ERBB4: variants seen among roughly 807,000 people sequenced by gnomAD.
ERBB4 encodes the protein receptor tyrosine-protein kinase erbB-4.
In ERBB4, 42 loss-of-function variants were observed where a neutral mutation model predicts 158.0. The observed-to-expected ratio is 0.27, with a 90% CI of 0.21 to 0.34. The LOEUF (loss-of-function observed/expected upper bound fraction) is 0.34, where lower values mean the gene tolerates loss of function less well. ERBB4 is among the 10% of genes least tolerant of loss of function. ERBB4 has a pLI of 1.00. For missense variants in ERBB4, 1,333 were observed against 1,624.1 expected, an observed-to-expected ratio of 0.82 and a Z score of 3.08; for synonymous variants, 583 against 558.7, an observed-to-expected ratio of 1.04 and a Z score of -0.61.
rs570902010 is a variant in ERBB4, at chr2:211,958,577, G to A, written c.235-10961C>T. The stretch of plus-strand genomic sequence containing the variant: ...TGAAGTAACTGCAGTGAAATAACTT[G>A]CCCAAAGTCATATAGACAAAAAGTG... On this transcript the variant is annotated intron_variant, in intron 2 of 27. Coordinates refer to ENST00000342788, the MANE Select transcript of ERBB4 (RefSeq NM_005235.3). Among the ~76,000 whole-genome samples the A allele has an allele frequency of 1.0e-3, 157 of 151,924 alleles. 1 individual carries two copies. Among genetic ancestry groups the A allele is most frequent in the Non-Finnish European group, 2.0e-3 (137 of 67,962 alleles).
intron 19 of ERBB4, among the ~76,000 whole-genome samples, chr2:211,572,786 T>G (rs1047488726): frequency 6.6e-6 from 1 of 152,238 alleles, no homozygotes; most frequent in African/African-American, 2.4e-5. Context: ...ATGTGTTTCC[T>G]ACTGGGATCC....
Position 212,346,345 on chromosome 2 carries a change from T to C in ERBB4, c.82+192104A>G, listed in dbSNP as rs116668666. On this transcript the variant is annotated intron_variant, in intron 1 of 27. Coordinates refer to ENST00000342788, the MANE Select transcript of ERBB4 (RefSeq NM_005235.3). Reference sequence around the variant, plus strand: ...AAAAGCCACAAATTGGCAAAGAACGTGAAGTAAAAACATATTCTCTTAAAG... The same window carrying C: ...AAAAGCCACAAATTGGCAAAGAACGCGAAGTAAAAACATATTCTCTTAAAG... Among the ~76,000 whole-genome samples the C allele has an allele frequency of 6.6e-3, 1,002 of 152,128 alleles. 13 individuals carry two copies. The highest frequency in any genetic ancestry group is 0.023 in the African/African-American group (961 of 41,520).
At chr2:211,576,908 C>A (rs1168135450) in intron 19 of ERBB4, among the ~76,000 whole-genome samples, 1 of 152,036 alleles carries the variant, frequency 6.6e-6, no homozygotes, top group African/African-American at 2.4e-5. Flanking sequence ...AGATAAATAA[C>A]ACTGGTAGGG....
chr2:211,904,703 GA>G (rs1282465883), intron 3 of ERBB4, among the ~76,000 whole-genome samples: 1 of 152,020 alleles, frequency 6.6e-6, no homozygotes, highest in East Asian at 1.9e-4. Flanking sequence ...AATCTTACTT[GA>G]ATTCATAAAA....
chr2:211,839,156 AGG>A (rs1559562148), intron 3 of ERBB4, among the ~76,000 whole-genome samples: 10 of 10,880 alleles, frequency 9.2e-4, no homozygotes, highest in Admixed American at 3.0e-3. Context: ...AGAGAGAAGG[AGG>A]AGGAGGAGGA....
chr2:212,039,612 C>T (rs909215714), intron 2 of ERBB4, among the ~76,000 whole-genome samples: 3 of 152,132 alleles, frequency 2.0e-5, no homozygotes. Context: ...CAATAATCAT[C>T]GCCAGCTTTA....
chr2:212,059,647 C>T (rs1377580628), intron 2 of ERBB4, among the ~76,000 whole-genome samples: 1 of 152,190 alleles, frequency 6.6e-6, no homozygotes, highest in Non-Finnish European at 1.5e-5. Flanking sequence ...CACACATCTA[C>T]AACCATCTGA....
chr2:211,579,808 T>A (rs527822374), intron 19 of ERBB4, among the ~76,000 whole-genome samples: 1 of 151,176 alleles, frequency 6.6e-6, no homozygotes, highest in Non-Finnish European at 1.5e-5. Flanking sequence ...GGGGGTGGGG[T>A]TGGGGGAGGG....
chr2:212,099,590 A>G (rs1453687970), intron 2 of ERBB4, among the ~76,000 whole-genome samples: 1 of 152,176 alleles, frequency 6.6e-6, no homozygotes, highest in East Asian at 1.9e-4. Flanking sequence ...ATATGAAATG[A>G]TGACTTCTCC....
intron 5 of ERBB4, among the ~76,000 whole-genome samples, chr2:211,736,166 A>T (rs2074592962): frequency 6.8e-6 from 1 of 146,918 alleles, no homozygotes; most frequent in African/African-American, 2.5e-5. Context: ...CTGTCTCAAA[A>T]AAAGGAAAAA....
At chr2:212,237,994 T>C (rs915449786) in intron 1 of ERBB4, among the ~76,000 whole-genome samples, 1 of 152,202 alleles carries the variant, frequency 6.6e-6, no homozygotes, top group Admixed American at 6.5e-5. Context: ...TTCAAGCCAG[T>C]GGATTTTAGC....
At chr2:212,023,800 G>A (rs902569130) in intron 2 of ERBB4, among the ~76,000 whole-genome samples, 8 of 151,830 alleles carry the variant, frequency 5.3e-5, no homozygotes, top group African/African-American at 1.9e-4. Flanking sequence ...TTGAACGGTA[G>A]TGATACCTAA....
At chr2:211,511,167 G>C (rs2065875444) in intron 20 of ERBB4, among the ~76,000 whole-genome samples, 2 of 151,816 alleles carry the variant, frequency 1.3e-5, no homozygotes, top group Non-Finnish European at 2.9e-5. Context: ...GGAATGCACT[G>C]TAATTTAAAT....
intron 2 of ERBB4, among the ~76,000 whole-genome samples, chr2:212,065,208 C>T (rs2077906610): frequency 6.6e-6 from 1 of 151,990 alleles, no homozygotes; most frequent in Admixed American, 6.6e-5. Flanking sequence ...GTTTAGACAA[C>T]CCCTTCCTGG....
At chr2:211,721,519 C>T (rs4673629) in intron 7 of ERBB4, among the ~76,000 whole-genome samples, 80,900 of 141,074 alleles carry the variant, frequency 0.57, 24,117 homozygotes, top group African/African-American at 0.73. Flanking sequence ...AAAGTTAAGT[C>T]GGTCCTTTTG....
At chr2:211,502,602 C>T (rs1217723946) in intron 20 of ERBB4, among the ~76,000 whole-genome samples, 1 of 152,098 alleles carries the variant, frequency 6.6e-6, no homozygotes, top group Admixed American at 6.5e-5. Context: ...TGAAAGCCTA[C>T]AGACTTAGAG....
At chr2:212,139,261 T>C (rs986877664) in intron 1 of ERBB4, among the ~76,000 whole-genome samples, 1 of 152,020 alleles carries the variant, frequency 6.6e-6, no homozygotes, top group African/African-American at 2.4e-5. Flanking sequence ...AGAAATGTCT[T>C]CTACATTTAA....
At chr2:212,503,439 T>A (rs990370558) in intron 1 of ERBB4, among the ~76,000 whole-genome samples, 3 of 152,168 alleles carry the variant, frequency 2.0e-5, no homozygotes, top group African/African-American at 7.2e-5. Context: ...AATGGTAACA[T>A]AAAGACAGAA....
At chr2:211,566,705 C>T (rs1039202313) in intron 19 of ERBB4, among the ~76,000 whole-genome samples, 1 of 151,836 alleles carries the variant, frequency 6.6e-6, no homozygotes, top group Admixed American at 6.6e-5. Context: ...TATACACATA[C>T]CGACAAATCA....
Sources: gnomAD v4.1 joint callset for allele counts (sites outside exome capture counted in the v4.1 genomes callset) on GRCh38, gnomAD v4.1.1 for gene constraint, MANE v1.5 for transcripts, NCBI Gene and HGNC (gene_info 2026-07-23, HGNC 2026-07-21) for gene names.